Variants in PDE3B observed in about 807,000 individuals in gnomAD.
PDE3B encodes cGMP-inhibited 3',5'-cyclic phosphodiesterase 3B.
In PDE3B, 66 loss-of-function variants were observed where a neutral mutation model predicts 116.8. That is an observed-to-expected ratio of 0.56 (90% CI 0.46 to 0.69). The LOEUF (loss-of-function observed/expected upper bound fraction) is 0.69. Ranked by LOEUF, PDE3B falls within the 30% of genes least tolerant of loss-of-function variation. The pLI is 0.00. For synonymous variants in PDE3B, 595 were observed against 533.6 expected (o/e 1.12, Z -1.59); for missense variants, 1,384 against 1,368.1 (o/e 1.01, Z -0.18).
intron 1 of PDE3B, among the ~76,000 whole-genome samples, chr11:14,762,608 T>G (rs1485048116): frequency 6.6e-6 from 1 of 152,204 alleles, no homozygotes; most frequent in African/African-American, 2.4e-5. Context: ...ATTATGTGAC[T>G]TAAGCTTTAA....
At chr11:14,811,385 A>G (rs1255341853) in intron 5 of PDE3B, among the ~76,000 whole-genome samples, 3 of 152,320 alleles carry the variant, frequency 2.0e-5, no homozygotes, top group East Asian at 3.9e-4. Context: ...CTTTGTACAT[A>G]TGGCTAGCGA....
chr11:14,767,893 T>A (rs1394295766), intron 1 of PDE3B, among the ~76,000 whole-genome samples: 1 of 151,262 alleles, frequency 6.6e-6, no homozygotes, highest in Non-Finnish European at 1.5e-5. Context: ...TTTAAAAATA[T>A]CATATATATA....
intron 1 of PDE3B, among the ~76,000 whole-genome samples, chr11:14,746,026 G>C (rs1459634549): frequency 2.0e-5 from 3 of 152,190 alleles, no homozygotes; most frequent in South Asian, 2.1e-4. Context: ...TATTTCCCCA[G>C]CTGCTAGGAA....
intron 1 of PDE3B, among the ~76,000 whole-genome samples, chr11:14,647,691 C>T (rs1305335515): frequency 6.6e-6 from 1 of 151,914 alleles, no homozygotes; most frequent in Non-Finnish European, 1.5e-5. Flanking sequence ...ATTACATGTT[C>T]ATTTCCTTAA....
At chr11:14,879,610 T>C in the PDE3B span, among the ~76,000 whole-genome samples, 243 of 152,170 alleles carry the variant, frequency 1.6e-3, 1 homozygote, top group Non-Finnish European at 2.9e-3. Flanking sequence ...ATATATGCTA[T>C]ATATCTTGTA....
chr11:14,838,170 G>C (rs1330960129), intron 11 of PDE3B, among the ~76,000 whole-genome samples: 1 of 151,822 alleles, frequency 6.6e-6, no homozygotes, highest in Non-Finnish European at 1.5e-5. Flanking sequence ...TAGTGGAGAC[G>C]GGTTTTCACC....
intron 1 of PDE3B, among the ~76,000 whole-genome samples, chr11:14,749,216 T>A (rs932150526): frequency 4.0e-5 from 6 of 151,536 alleles, no homozygotes; most frequent in African/African-American, 1.5e-4. Flanking sequence ...TGTATAAAAC[T>A]TTTTTTTTAA....
chr11:14,826,938 A>G (rs963778105), intron 7 of PDE3B, among the ~76,000 whole-genome samples: 4 of 152,276 alleles, frequency 2.6e-5, no homozygotes, highest in Non-Finnish European at 4.4e-5. Flanking sequence ...CTTGCAAACC[A>G]AATTCAGCAG....
intron 11 of PDE3B, among the ~76,000 whole-genome samples, chr11:14,835,476 A>G (rs1219658918): frequency 6.6e-6 from 1 of 152,042 alleles, no homozygotes; most frequent in East Asian, 1.9e-4. Flanking sequence ...CATCACATAC[A>G]TTTAAAATAC....
chr11:14,853,466 C>T (rs1207745471), intron 12 of PDE3B, among the ~76,000 whole-genome samples: 1 of 152,034 alleles, frequency 6.6e-6, no homozygotes, highest in African/African-American at 2.4e-5. Flanking sequence ...TCTGTGCTTC[C>T]CAAAGTAACG....
intron 11 of PDE3B, among the ~76,000 whole-genome samples, chr11:14,835,539 AATG>A (rs1361406866): frequency 2.6e-5 from 4 of 152,212 alleles, no homozygotes; most frequent in Non-Finnish European, 5.9e-5. Context: ...AAAGTATTTC[AATG>A]ATGACATTAA....
At chr11:14,693,872 T>C (rs1855123723) in intron 1 of PDE3B, among the ~76,000 whole-genome samples, 1 of 152,112 alleles carries the variant, frequency 6.6e-6, no homozygotes. Context: ...CATAGATTGA[T>C]GGATGTGTGC....
chr11:14,695,910 A>G (rs191472470), intron 1 of PDE3B, among the ~76,000 whole-genome samples: 1 of 152,186 alleles, frequency 6.6e-6, no homozygotes, highest in East Asian at 1.9e-4. Flanking sequence ...TATCCAGTCT[A>G]TCATTGATGG....
chr11:14,698,402 A>G (rs886912527), intron 1 of PDE3B, among the ~76,000 whole-genome samples: 8 of 151,908 alleles, frequency 5.3e-5, no homozygotes, highest in African/African-American at 1.9e-4. Flanking sequence ...GTGCCTGGAT[A>G]TTACTTAGGT....
chr11:14,706,467 C>T (rs1478543818), intron 1 of PDE3B, among the ~76,000 whole-genome samples: 3 of 151,714 alleles, frequency 2.0e-5, no homozygotes, highest in African/African-American at 7.3e-5. Flanking sequence ...TGTAAGACAA[C>T]AATAATATGT....
chr11:14,683,518 G>T (rs1276318794), intron 1 of PDE3B, among the ~76,000 whole-genome samples: 1 of 151,836 alleles, frequency 6.6e-6, no homozygotes, highest in Non-Finnish European at 1.5e-5. Context: ...AGTCTATAAT[G>T]ATATTCCTCT....
intron 7 of PDE3B, among the ~76,000 whole-genome samples, chr11:14,830,416 G>A (rs1467153702): frequency 6.6e-6 from 1 of 151,892 alleles, no homozygotes; most frequent in Non-Finnish European, 1.5e-5. Flanking sequence ...CTATTGATAG[G>A]AACTTTTTCT....
intron 1 of PDE3B, among the ~76,000 whole-genome samples, chr11:14,662,169 G>C (rs959080033): frequency 6.6e-6 from 1 of 152,190 alleles, no homozygotes; most frequent in Non-Finnish European, 1.5e-5. Context: ...CTGTTCTGCA[G>C]CCACCGCTGC....
At chr11:14,702,420 A>G (rs143774075) in intron 1 of PDE3B, among the ~76,000 whole-genome samples, 1,629 of 151,890 alleles carry the variant, frequency 0.011, 73 homozygotes, top group East Asian at 0.042. Flanking sequence ...CAAAAGCAGA[A>G]TCTAAAATAC....
Sources: allele counts gnomAD v4.1 joint callset (sites outside exome capture counted in the v4.1 genomes callset), GRCh38; gene constraint gnomAD v4.1.1; transcripts MANE v1.5; gene names NCBI Gene and HGNC (gene_info 2026-07-23, HGNC 2026-07-21).